The following PSMB7 variants were observed in gnomAD, a reference collection of about 807,000 sequenced individuals.
PSMB7 encodes proteasome subunit beta type-7.
PSMB7 carries 5 observed loss-of-function variants against 28.1 expected under a neutral mutation model. The ratio of observed to expected loss-of-function variants is 0.18; its 90% CI spans 0.09 to 0.37. The LOEUF (loss-of-function observed/expected upper bound fraction) is 0.37. Among genes scored for constraint, PSMB7 ranks in the 10% least tolerant of loss-of-function variants. PSMB7 has a pLI of 1.00. For synonymous variants in PSMB7, 122 were observed against 123.7 expected, an observed-to-expected ratio of 0.99 and a Z score of 0.09; for missense variants, 275 against 346.2, an observed-to-expected ratio of 0.79 and a Z score of 1.63.
At position 124,353,650 on chromosome 9, in the gene PSMB7, G is replaced by T. The variant is rs1435960684; in HGVS notation, c.782C>A (p.Pro261His). Residue 261 changes from proline to histidine, a missense_variant, in exon 8 of 8, where the codon CCT (proline) becomes CAT (histidine). Pro to His is a moderately conservative substitution (Grantham distance 77). Around this residue, in one of 2 missense-constraint regions of PSMB7, gnomAD observed 213 missense variants for 302.4 expected, o/e 0.70. Coordinates refer to ENST00000259457, the MANE Select transcript of PSMB7 (RefSeq NM_002799.4). ...TTCTTCCAGCACCTCAATCTCCAGA[G>T]GAGTGATTTTCTCAGTGAGGACTGC... Reference protein sequence around the residue: ...TTAVLTEKITPLEIEVLEETV... With the variant: ...TTAVLTEKITHLEIEVLEETV... 1 of 1,614,074 alleles carries T rather than the reference G, an allele frequency of 6.2e-7. No homozygotes were observed. Among genetic ancestry groups the T allele is most frequent in the East Asian group, 2.2e-5 (1 of 44,888 alleles).
At chr9:124,380,198 T>C (rs1009873430) in intron 6 of PSMB7, among the ~76,000 whole-genome samples, 1 of 152,184 alleles carries the variant, frequency 6.6e-6, no homozygotes, top group African/African-American at 2.4e-5. Flanking sequence ...GGAACTATGT[T>C]CCCCCAAAGT....
intron 5 of PSMB7, chr9:124,396,895 C>T (rs979097858): frequency 1.8e-5 from 8 of 447,230 alleles, no homozygotes; most frequent in Non-Finnish European, 3.2e-5. Flanking sequence ...TTAAAAGAAC[C>T]CACATTATGT....
chr9:124,398,750 C>T (rs1463654872), intron 5 of PSMB7, among the ~76,000 whole-genome samples: 2 of 152,162 alleles, frequency 1.3e-5, no homozygotes, highest in African/African-American at 4.8e-5. Context: ...GATAAAATCA[C>T]AGCAGCTGTG....
chr9:124,357,742 G>A (rs1200353180), intron 6 of PSMB7, among the ~76,000 whole-genome samples: 2 of 152,228 alleles, frequency 1.3e-5, no homozygotes, highest in African/African-American at 4.8e-5. Flanking sequence ...TAGGGCTGCA[G>A]AGGTGGATGA....
intron 7 of PSMB7, among the ~76,000 whole-genome samples, chr9:124,355,318 T>G (rs1192092029): frequency 6.6e-6 from 1 of 152,202 alleles, no homozygotes; most frequent in African/African-American, 2.4e-5. Flanking sequence ...GAGCCTCTGT[T>G]TACAAGTGGA....
intron 6 of PSMB7, among the ~76,000 whole-genome samples, chr9:124,366,532 A>C (rs1830510261): frequency 6.6e-6 from 1 of 152,228 alleles, no homozygotes; most frequent in South Asian, 2.1e-4. Context: ...AAACAAGTAA[A>C]AAGGTTACGG....
At chr9:124,399,883 G>A (rs759473603) in intron 5 of PSMB7, among the ~76,000 whole-genome samples, 2 of 152,146 alleles carry the variant, frequency 1.3e-5, no homozygotes, top group Non-Finnish European at 2.9e-5. Context: ...GCTCCCCACA[G>A]CTGTCAGCTG....
rs1830403653 is a variant in PSMB7 at position 124,356,179 on chromosome 9, T to C, written c.722+585A>G. On this transcript the variant is annotated intron_variant, in intron 7 of 7. Transcript: ENST00000259457. The surrounding 1 kb of genome is among the most constrained non-coding windows in gnomAD (Gnocchi z 4.4). The stretch of plus-strand genomic sequence containing the variant: ...TCTGACACATGCTAGCCACCAGGTT[T>C]GGAAACCTCCCAGTTCTGCTCAGCA... Among the ~76,000 whole-genome samples, 1 of 152,168 alleles carries C rather than the reference T, an allele frequency of 6.6e-6. No homozygotes were observed. Among genetic ancestry groups the C allele is most frequent in the African/African-American group, 2.4e-5 (1 of 41,442 alleles).
At chr9:124,358,155 C>A (rs1830432364) in intron 6 of PSMB7, among the ~76,000 whole-genome samples, 1 of 152,220 alleles carries the variant, frequency 6.6e-6, no homozygotes, top group South Asian at 2.1e-4. Flanking sequence ...GAAACACGGA[C>A]TCCAGGCCCA....
chr9:124,410,888 C>A (rs1283147125), intron 4 of PSMB7, among the ~76,000 whole-genome samples: 1 of 152,194 alleles, frequency 6.6e-6, no homozygotes, highest in East Asian at 1.9e-4. Context: ...GCACCCACTC[C>A]CACTTCTAAG....
intron 6 of PSMB7, among the ~76,000 whole-genome samples, chr9:124,362,637 G>A (rs981512414): frequency 2.0e-5 from 3 of 152,118 alleles, no homozygotes; most frequent in Non-Finnish European, 2.9e-5. Flanking sequence ...GAAGGAGTAA[G>A]TTCAAGAGAT....
At chr9:124,369,182 G>A (rs1769554559) in intron 6 of PSMB7, among the ~76,000 whole-genome samples, 1 of 152,134 alleles carries the variant, frequency 6.6e-6, no homozygotes. Flanking sequence ...GTACCACTAG[G>A]TGGAATTTTA....
At chr9:124,415,271 C>T in intron 1 of PSMB7, 93 bp downstream of exon 1, 2 of 1,330,596 alleles carry the variant, frequency 1.5e-6, no homozygotes, top group Non-Finnish European at 2.1e-6. Context: ...ATGAATTCTT[C>T]CCTCAGAATT....
rs919362353 is a variant in PSMB7, at chr9:124,384,723, T to C, written c.512-67A>G. ...CCAGCTTATCCATCTCAAGTTTACC[T>C]AGGGGCAAGAAAAACAGCAAAACAT... On this transcript the variant is annotated intron_variant, in intron 5 of 7. Transcript: ENST00000259457. 16 of 1,499,096 alleles carry C rather than the reference T, an allele frequency of 1.1e-5. 1 individual carries two copies. The South Asian group carries it at 1.8e-4, about 17-fold the overall frequency. The allele number at this position is 1,499,096 out of a possible 1,614,324, so 92.9% of individuals were successfully genotyped here. A position where few individuals can be genotyped will look rare whatever the true frequency, so the allele number is the denominator to read the frequency against.
chr9:124,413,153 CAAAAAAAAAAAA>C lies in PSMB7; in HGVS notation c.255-673_255-662del, dbSNP rs61132576. On this transcript the variant is annotated intron_variant, in intron 3 of 7. Coordinates refer to ENST00000259457, the MANE Select transcript of PSMB7 (RefSeq NM_002799.4). The stretch of plus-strand genomic sequence containing the variant: ...CAACATAGTGTGACCGCATCTCTCC[CAAAAAAAAAAAA>C]AAAAAAAAAAGAACGAAAAAAATGT... 2.1e-3 allele frequency among the ~76,000 whole-genome samples: 99 copies of C among 47,256 alleles called. 3 individuals are homozygous for C. Among genetic ancestry groups the C allele is most frequent in the East Asian group, 0.015 (24 of 1,558 alleles). 31.0% of individuals were successfully genotyped at this position (47,256 alleles called of 152,430 possible). A position where few individuals can be genotyped will look rare whatever the true frequency, so the allele number is the denominator to read the frequency against.
At chr9:124,409,874 A>C (rs1482404346) in intron 4 of PSMB7, among the ~76,000 whole-genome samples, 1 of 152,218 alleles carries the variant, frequency 6.6e-6, no homozygotes, top group Non-Finnish European at 1.5e-5. Flanking sequence ...ACTCACCAAA[A>C]ATGTTAAGAG....
At chr9:124,398,241 C>T (rs1480275345) in intron 5 of PSMB7, among the ~76,000 whole-genome samples, 2 of 150,614 alleles carry the variant, frequency 1.3e-5, no homozygotes, top group South Asian at 2.1e-4. Flanking sequence ...CTCACTCCCT[C>T]GAAAGGAAAG....
At chr9:124,386,150 A>C (rs1393869585) in intron 5 of PSMB7, among the ~76,000 whole-genome samples, 1 of 152,136 alleles carries the variant, frequency 6.6e-6, no homozygotes, top group Non-Finnish European at 1.5e-5. Context: ...TCTCCTTAAA[A>C]AAAAAAAAAA....
intron 6 of PSMB7, among the ~76,000 whole-genome samples, chr9:124,370,731 G>A (rs1210191228): frequency 2.6e-5 from 4 of 152,018 alleles, no homozygotes; most frequent in Non-Finnish European, 5.9e-5. Context: ...AAGCCCTCAC[G>A]CCCCCCAATT....
Sources: gnomAD v4.1 joint callset for allele counts (sites outside exome capture counted in the v4.1 genomes callset) on GRCh38, gnomAD v4.1.1 for gene constraint, gnomAD v4.1.1 regional missense constraint, Gnocchi (gnomAD v3.1) non-coding constraint, MANE v1.5 for transcripts, NCBI Gene and HGNC (gene_info 2026-07-23, HGNC 2026-07-21) for gene names.